Variants in TTF2 observed in about 807,000 individuals in gnomAD.
The protein encoded by TTF2 is transcription termination factor 2, also known as RNA polymerase II termination factor.
In TTF2, 108 loss-of-function variants were observed where a neutral mutation model predicts 142.4. The ratio of observed to expected loss-of-function variants is 0.76; its 90% CI spans 0.65 to 0.89. The LOEUF (loss-of-function observed/expected upper bound fraction) is 0.89. TTF2 is among the 40% of genes least tolerant of loss of function. TTF2 has a pLI of 0.00. For missense variants in TTF2, 1,327 were observed against 1,379.8 expected, an observed-to-expected ratio of 0.96 and a Z score of 0.61; for synonymous variants, 483 against 506.2, an observed-to-expected ratio of 0.95 and a Z score of 0.61.
In TTF2 at chr1:117,100,000, A is replaced by C. The variant is rs1649453577; in HGVS notation, c.3344+1093A>C. The stretch of plus-strand genomic sequence containing the variant: ...CCAAGGTCTCCTAAACTTCAGACCT[A>C]TCGCAGTCCCTGCTAAATATCTGAA... On this transcript the variant is annotated intron_variant, in intron 22 of 22. Coordinates refer to ENST00000369466, the MANE Select transcript of TTF2 (RefSeq NM_003594.4). This position sits in a 1 kb window ranked among gnomAD's most constrained non-coding sequence, Gnocchi z 4.3. Among the ~76,000 whole-genome samples the C allele has an allele frequency of 6.6e-6, 1 of 152,268 alleles. No homozygotes were observed. Among genetic ancestry groups the C allele is most frequent in the Non-Finnish European group, 1.5e-5 (1 of 68,032 alleles).
chr1:117,093,699 A>G lies in TTF2; in HGVS notation c.2976+798A>G, dbSNP rs1648818410. On this transcript the variant is annotated intron_variant, in intron 18 of 22. Transcript: ENST00000369466. This position sits in a 1 kb window ranked among gnomAD's most constrained non-coding sequence, Gnocchi z 4.5. ...ACCACTGATAGCTGAGAGAAACATA[A>G]GAAGAGCATCCCATGTGGCCAGAAC... Among the ~76,000 whole-genome samples the G allele has an allele frequency of 6.6e-6, 1 of 152,350 alleles. No homozygotes were observed. The highest frequency in any genetic ancestry group is 1.9e-4 in the East Asian group (1 of 5,192).
Position 117,096,173 on chromosome 1 carries a change from C to A in TTF2, c.3060C>A (p.Asn1020Lys). 6.2e-7 allele frequency: 1 copy of A among 1,614,060 alleles called. No homozygotes were observed. ...GTGTCATTGTCTCTCAGTGGACCAA[C>A]ATGCTGAAAGTTGTAGCATTGCACC... ...QKSVIVSQWT[N>K]MLKVVALHLK... Residue 1020 changes from asparagine to lysine, a missense_variant, in exon 20 of 23, where the codon AAC (asparagine) becomes AAA (lysine). Transcript: ENST00000369466.
intron 16 of TTF2, 54 bp downstream of exon 16, chr1:117,091,464 A>G: frequency 6.5e-7 from 1 of 1,539,200 alleles, no homozygotes; most frequent in South Asian, 1.2e-5. Flanking sequence ...GGGGATTTGG[A>G]TTCAGTAAAA....
rs1454300144 is a variant in TTF2 at position 117,107,130 on chromosome 1, T to G, written c.*5606T>G. ...GACAGCTCCTAAATCCTCCCACTCTTTTTTTGCCTCACCTTGGAGTCTTGG... is the reference window on the plus strand; with the variant it reads ...GACAGCTCCTAAATCCTCCCACTCTGTTTTTGCCTCACCTTGGAGTCTTGG... On this transcript the variant is annotated 3_prime_UTR_variant, in exon 23 of 23. Transcript: ENST00000369466. 6.6e-6 allele frequency: 1 copy of G among 152,122 alleles called. No individual in the cohort carries two copies. The highest frequency in any genetic ancestry group is 1.9e-4 in the East Asian group (1 of 5,194). The allele number at this position is 152,122 out of a possible 1,614,324, so 9.4% of individuals were successfully genotyped here. A position where few individuals can be genotyped will look rare whatever the true frequency, so the allele number is the denominator to read the frequency against.
At chr1:117,096,011 T>C in intron 19 of TTF2, 138 bp from the exon 20 acceptor site, 2 of 852,862 alleles carry the variant, frequency 2.3e-6, no homozygotes, top group Admixed American at 2.6e-5. Context: ...AATGTGTGCC[T>C]TCTCCCTTAG....
rs1647285579 is a variant in TTF2, at chr1:117,079,337, A to G, written c.1702-231A>G. ...ACTTGGGGTGTAGGGGGGACTCTTA[A>G]TAGAAATGCTGAACATTAGATGCAA... is the stretch of plus-strand genomic sequence containing the variant. On this transcript the variant is annotated intron_variant, in intron 8 of 22. Coordinates refer to ENST00000369466, the MANE Select transcript of TTF2 (RefSeq NM_003594.4). The surrounding 1 kb of genome is among the most constrained non-coding windows in gnomAD (Gnocchi z 4.2). Among the ~76,000 whole-genome samples the G allele has an allele frequency of 6.6e-6, 1 of 152,234 alleles. No homozygotes were observed. Among genetic ancestry groups the G allele is most frequent in the Non-Finnish European group, 1.5e-5 (1 of 68,042 alleles).
chr1:117,095,756 G>A (rs113544714), intron 19 of TTF2, among the ~76,000 whole-genome samples: 80 of 152,202 alleles, frequency 5.3e-4, no homozygotes, highest in Admixed American at 1.4e-3. Context: ...TTTAGAACTC[G>A]AATTAAGACA....
Position 117,097,306 on chromosome 1 carries a change from C to G in TTF2, c.3187-45C>G, listed in dbSNP as rs140907447. The G allele has an allele frequency of 1.3e-6, 2 of 1,571,016 alleles. No homozygotes were observed. Among genetic ancestry groups the G allele is most frequent in the African/African-American group, 2.7e-5 (2 of 74,062 alleles). On this transcript the variant is annotated intron_variant, in intron 20 of 22. Transcript: ENST00000369466. This position sits in a 1 kb window ranked among gnomAD's most constrained non-coding sequence, Gnocchi z 4.1. ...TTAAACCTGAGACCGAGATGTGTTA[C>G]GAGACCAAGTCTGTTTAAAGTTAAT... is the stretch of plus-strand genomic sequence containing the variant.
chr1:117,086,459 G>A lies in TTF2; in HGVS notation c.2097G>A (p.Val699=), dbSNP rs1293795466. The change falls in exon 12 of 23, where the codon GTG becomes GTA. Residue 699 remains valine (V), a synonymous_variant. Transcript: ENST00000369466. The surrounding 1 kb of genome is among the most constrained non-coding windows in gnomAD (Gnocchi z 4.2). ...TCGTGATCACTACCTATAGCCTCGT[G>A]GCCAAGGAGATTCCCACAAACAAGC... The part of the protein sequence containing the change: ...YDIVITTYSL[V]AKEIPTNKQE... 2 of 1,613,962 alleles carry A rather than the reference G, an allele frequency of 1.2e-6. No individual in the cohort carries two copies. Among genetic ancestry groups the A allele is most frequent in the Non-Finnish European group, 1.7e-6 (2 of 1,180,014 alleles).
chr1:117,080,503 G>C lies in TTF2; in HGVS notation c.1783+854G>C, dbSNP rs1178828267. Among the ~76,000 whole-genome samples the C allele has an allele frequency of 3.3e-5, 5 of 152,192 alleles. No individual in the cohort carries two copies. The highest frequency in any genetic ancestry group is 1.2e-4 in the African/African-American group (5 of 41,440). On this transcript the variant is annotated intron_variant, in intron 9 of 22. Transcript: ENST00000369466. This position sits in a 1 kb window ranked among gnomAD's most constrained non-coding sequence, Gnocchi z 4.3. ...TGAGTACATCTGATATATAGAGCCA[G>C]GTCATATTGCCAGTGCCTTAGCTGC...
At chr1:117,081,264 C>G (rs1255187342) in intron 9 of TTF2, among the ~76,000 whole-genome samples, 1 of 152,182 alleles carries the variant, frequency 6.6e-6, no homozygotes, top group Admixed American at 6.5e-5. Context: ...GTTATAGTAG[C>G]CTCAATGTTG....
Position 117,078,034 on chromosome 1 carries a change from C to G in TTF2, c.1692C>G (p.Ala564=). 6.2e-7 allele frequency: 1 copy of G among 1,613,860 alleles called. No individual in the cohort carries two copies. The highest frequency in any genetic ancestry group is 8.5e-7 in the Non-Finnish European group (1 of 1,179,954). ...PGETVVAEDP[A]GLKVPLLLHQ... ...AGACGGTTGTGGCAGAAGATCCCGC[C>G]GGGCTGAAGGTGAGCCAGGGAAGAC... The change falls in exon 8 of 23, where the codon GCC becomes GCG. Residue 564 remains alanine (A), a synonymous_variant. Coordinates refer to ENST00000369466, the MANE Select transcript of TTF2 (RefSeq NM_003594.4).
rs1241259461 is a variant in TTF2, at chr1:117,076,681, T to A, written c.1431T>A (p.Ser477Arg). 6 of 1,613,534 alleles carry A rather than the reference T, an allele frequency of 3.7e-6. No homozygotes were observed. Among genetic ancestry groups the A allele is most frequent in the Non-Finnish European group, 5.1e-6 (6 of 1,179,804 alleles). The change falls in exon 7 of 23, where the codon AGT becomes AGA. Residue 477 changes from serine to arginine, a missense_variant. Ser to Arg is a moderately radical substitution (Grantham distance 110). Coordinates refer to ENST00000369466, the MANE Select transcript of TTF2 (RefSeq NM_003594.4). The surrounding 1 kb of genome is among the most constrained non-coding windows in gnomAD (Gnocchi z 4.6). ...EKSNSQVPQQSHFTKTTTGPP... is the reference protein window; with the variant it reads ...EKSNSQVPQQRHFTKTTTGPP... The stretch of plus-strand genomic sequence containing the variant: ...GTAACAGTCAAGTACCACAGCAGAG[T>A]CACTTCACCAAAACTACCACTGGCC...
At chr1:117,061,618 G>A (rs1655693991) in intron 2 of TTF2, among the ~76,000 whole-genome samples, 1 of 152,114 alleles carries the variant, frequency 6.6e-6, no homozygotes, top group African/African-American at 2.4e-5. Flanking sequence ...TAGTACCCAG[G>A]TCAAGTTTTG....
At chr1:117,078,619 C>T (rs1211209382) in intron 8 of TTF2, among the ~76,000 whole-genome samples, 1 of 152,212 alleles carries the variant, frequency 6.6e-6, no homozygotes, top group Non-Finnish European at 1.5e-5. Flanking sequence ...TCATCAGTAC[C>T]TGAGCCAGCA....
At chr1:117,060,818 G>A (rs748809718) in intron 2 of TTF2, among the ~76,000 whole-genome samples, 3 of 152,158 alleles carry the variant, frequency 2.0e-5, no homozygotes, top group African/African-American at 7.2e-5. Context: ...TTGAGGATCC[G>A]GTGTTTTCCA....
At chr1:117,071,087 A>T (rs1656535810) in intron 3 of TTF2, among the ~76,000 whole-genome samples, 1 of 152,250 alleles carries the variant, frequency 6.6e-6, no homozygotes, top group Admixed American at 6.5e-5. Context: ...TAGATAACTA[A>T]TAAAGAAAAT....
At chr1:117,081,769 C>A in intron 9 of TTF2, 59 bp from the exon 10 acceptor site, 1 of 1,577,130 alleles carries the variant, frequency 6.3e-7, no homozygotes, top group Non-Finnish European at 8.6e-7. Flanking sequence ...TCCTCTTGAA[C>A]TAGGGTTGAT....
chr1:117,098,657 C>T, intron 21 of TTF2, 176 bp from the exon 22 acceptor site: 1 of 545,074 alleles, frequency 1.8e-6, no homozygotes, highest in Non-Finnish European at 3.2e-6. Context: ...AGTTCTCTGT[C>T]ACATGATGTG....
Sources: gnomAD v4.1 joint callset for allele counts (sites outside exome capture counted in the v4.1 genomes callset) on GRCh38, gnomAD v4.1.1 for gene constraint, Gnocchi (gnomAD v3.1) non-coding constraint, MANE v1.5 for transcripts, NCBI Gene and HGNC (gene_info 2026-07-23, HGNC 2026-07-21) for gene names.